WNT9B: variants seen among roughly 807,000 people sequenced by gnomAD.
The protein encoded by WNT9B is protein Wnt-9b.
WNT9B carries 12 observed loss-of-function variants against 30.2 expected under a neutral mutation model. That is an observed-to-expected ratio of 0.40 (90% confidence interval 0.26 to 0.64). The LOEUF (loss-of-function observed/expected upper bound fraction) is 0.64. Among genes scored for constraint, WNT9B ranks in the 30% least tolerant of loss-of-function variants. The probability of loss-of-function intolerance (pLI) is 0.42; values close to 1 mark genes in which losing one functional copy is unlikely to be tolerated. For missense variants in WNT9B, 442 were observed against 485.2 expected, an observed-to-expected ratio of 0.91 and a Z score of 0.84; for synonymous variants, 218 against 216.9, an observed-to-expected ratio of 1.01 and a Z score of -0.05.
At chr17:46,834,583 T>C (rs1313235766) in intron 1 of WNT9B, among the ~76,000 whole-genome samples, 1 of 152,154 alleles carries the variant, frequency 6.6e-6, no homozygotes. Flanking sequence ...CAAGCAAATA[T>C]ACCTCCTGGG....
chr17:46,850,143 C>T (rs542116034), upstream of WNT9B, among the ~76,000 whole-genome samples: 2 of 152,300 alleles, frequency 1.3e-5, no homozygotes, highest in African/African-American at 4.8e-5. Context: ...AGCCAACGTG[C>T]CTGGCCAGCA....
chr17:46,885,943 C>T (rs2085483554), exon 5 of WNT9B: 1 of 152,290 alleles, frequency 6.6e-6, no homozygotes, highest in Non-Finnish European at 1.5e-5. Flanking sequence ...AAGCCTGAAC[C>T]TGGAGCTTCT....
intron 2 of WNT9B, among the ~76,000 whole-genome samples, chr17:46,874,518 G>A (rs1279795309): frequency 2.0e-5 from 3 of 152,102 alleles, no homozygotes; most frequent in Non-Finnish European, 4.4e-5. Flanking sequence ...GCTGCCCTCT[G>A]GGAATCTGGG....
chr17:46,862,036 G>A (rs770840127), intron 1 of WNT9B, among the ~76,000 whole-genome samples: 3 of 151,852 alleles, frequency 2.0e-5, no homozygotes, highest in Non-Finnish European at 2.9e-5. Flanking sequence ...GGTGACAGCC[G>A]CTTGTAATCC....
chr17:46,849,402 G>A (rs749682414), upstream of WNT9B, among the ~76,000 whole-genome samples: 4 of 152,236 alleles, frequency 2.6e-5, no homozygotes, highest in Non-Finnish European at 5.9e-5. Flanking sequence ...AACAGGAGGA[G>A]CAGCTGGGCA....
Position 46,851,583 on chromosome 17 carries a change from A to G in WNT9B, c.-56A>G. The G allele has an allele frequency of 2.0e-6, 2 of 996,272 alleles. No homozygotes were observed. The highest frequency in any genetic ancestry group is 3.9e-5 in the South Asian group (1 of 25,808). 61.7% of individuals were successfully genotyped at this position (996,272 alleles called of 1,614,324 possible). ...AAGTCCCGCGGGCGGGTGGTGGCGG[A>G]GCTGCGAGCTTGAGCGGCGCGAGGA... On this transcript the variant is annotated 5_prime_UTR_variant, in exon 1 of 4. Transcript: ENST00000290015. This position sits in a 1 kb window ranked among gnomAD's most constrained non-coding sequence, Gnocchi z 4.3.
chr17:46,855,987 C>T (rs575981775), intron 1 of WNT9B, among the ~76,000 whole-genome samples: 8 of 152,338 alleles, frequency 5.3e-5, no homozygotes, highest in African/African-American at 1.9e-4. Flanking sequence ...CCATGCCCGG[C>T]CCCCAGTCCA....
intron 1 of WNT9B, among the ~76,000 whole-genome samples, chr17:46,835,694 CTGG>C (rs986730095): frequency 2.0e-5 from 3 of 152,240 alleles, no homozygotes; most frequent in African/African-American, 4.8e-5. Context: ...AAGCTCAGGG[CTGG>C]TGGTCAGGTG....
chr17:46,869,229 G>T (rs1318738142), intron 1 of WNT9B, among the ~76,000 whole-genome samples: 1 of 152,164 alleles, frequency 6.6e-6, no homozygotes, highest in Non-Finnish European at 1.5e-5. Flanking sequence ...TAACCGACTT[G>T]ATACTGGACT....
intron 2 of WNT9B, among the ~76,000 whole-genome samples, chr17:46,873,593 T>G (rs2085292078): frequency 6.6e-6 from 1 of 152,182 alleles, no homozygotes; most frequent in Admixed American, 6.5e-5. Context: ...GCGCAGTGGC[T>G]TGTGCCTCTA....
intron 1 of WNT9B, among the ~76,000 whole-genome samples, chr17:46,857,606 T>C (rs945932849): frequency 1.3e-5 from 2 of 152,150 alleles, no homozygotes; most frequent in Non-Finnish European, 2.9e-5. Flanking sequence ...GATAACTGTC[T>C]AGGAGTGGAT....
At position 46,835,048 on chromosome 17, in the gene WNT9B, G is replaced by A. The variant is rs115743822; in HGVS notation, c.95+1608G>A. 4.4e-3 allele frequency among the ~76,000 whole-genome samples: 669 copies of A among 152,220 alleles called. 3 individuals carry two copies. Among genetic ancestry groups the A allele is most frequent in the African/African-American group, 0.015 (638 of 41,518 alleles). On this transcript the variant is annotated intron_variant, in intron 1 of 2. Coordinates refer to the WNT9B transcript ENST00000575372. Reference sequence around the variant, plus strand: ...CTCGCTCTGTTGTCCAGGCTGCAGCGCAGTAGTGCGATCAGTGCTCACTGT... The same window carrying A: ...CTCGCTCTGTTGTCCAGGCTGCAGCACAGTAGTGCGATCAGTGCTCACTGT...
In WNT9B at chr17:46,879,441, T is replaced by C. The variant is rs2085394648; in HGVS notation, c.*2723T>C. 6.6e-6 allele frequency among the ~76,000 whole-genome samples: 1 copy of C among 152,238 alleles called. No homozygotes were observed. The highest frequency in any genetic ancestry group is 1.5e-5 in the Non-Finnish European group (1 of 68,034). ...CTGGGTCCAGGCCCCCTTCTTCTGC[T>C]CTGGCAAAAGTGTCTTACTCATAAT... On this transcript the variant is annotated 3_prime_UTR_variant, in exon 4 of 4. Transcript: ENST00000290015.
intron 1 of WNT9B, among the ~76,000 whole-genome samples, chr17:46,839,611 C>A (rs995275986): frequency 2.0e-5 from 3 of 152,142 alleles, no homozygotes; most frequent in Non-Finnish European, 4.4e-5. Flanking sequence ...TATACATGTG[C>A]CATGTTGATG....
chr17:46,847,976 G>GTGTGTGTGTA (rs1388959048), upstream of WNT9B, among the ~76,000 whole-genome samples: 33 of 151,238 alleles, frequency 2.2e-4, no homozygotes, highest in African/African-American at 8.0e-4. Context: ...AAGTGTGTGT[G>GTGTGTGTGTA]TGTGTGTGTG....
chr17:46,884,008 C>G (rs1266667410), downstream of WNT9B, among the ~76,000 whole-genome samples: 39 of 152,214 alleles, frequency 2.6e-4, no homozygotes, highest in Non-Finnish European at 2.9e-5. Context: ...CCACCGTCCT[C>G]CCGCCATGGA....
intron 1 of WNT9B, among the ~76,000 whole-genome samples, chr17:46,841,549 G>C (rs547530532): frequency 6.6e-6 from 1 of 152,254 alleles, no homozygotes; most frequent in Non-Finnish European, 1.5e-5. Context: ...ATTGAGAGCG[G>C]GTTAAGGTGG....
At chr17:46,861,358 A>C (rs2085034745) in intron 1 of WNT9B, among the ~76,000 whole-genome samples, 1 of 151,946 alleles carries the variant, frequency 6.6e-6, no homozygotes, top group African/African-American at 2.4e-5. Context: ...CCTGGTCTGC[A>C]GTGAATATCT....
At chr17:46,863,483 G>T (rs1184241815) in intron 1 of WNT9B, among the ~76,000 whole-genome samples, 2 of 152,210 alleles carry the variant, frequency 1.3e-5, no homozygotes, top group Non-Finnish European at 2.9e-5. Context: ...CTGCCATGCG[G>T]AACTGATGGT....
Sources: gnomAD v4.1 joint callset for allele counts (sites outside exome capture counted in the v4.1 genomes callset) on GRCh38, gnomAD v4.1.1 for gene constraint, Gnocchi (gnomAD v3.1) non-coding constraint, MANE v1.5 for transcripts, NCBI Gene and HGNC (gene_info 2026-07-23, HGNC 2026-07-21) for gene names.